CLIP4: variants seen among roughly 807,000 people sequenced by gnomAD.
The protein encoded by CLIP4 is CAP-Gly domain containing linker protein family member 4, also known as CAP-Gly domain-containing linker protein 4.
A neutral mutation model predicts 73.1 loss-of-function variants in CLIP4; 47 were observed. That is an observed-to-expected ratio of 0.64 (90% confidence interval 0.51 to 0.82). CLIP4 has a LOEUF of 0.82. Ranked by LOEUF, CLIP4 falls within the 40% of genes least tolerant of loss-of-function variation. CLIP4 has a pLI of 0.00. For missense variants in CLIP4, 874 were observed against 852.9 expected (o/e 1.02, Z -0.31); for synonymous variants, 306 against 295.4 (o/e 1.04, Z -0.37).
At chr2:29,138,913 G>T (rs1222466034) in intron 6 of CLIP4, among the ~76,000 whole-genome samples, 2 of 151,998 alleles carry the variant, frequency 1.3e-5, no homozygotes, top group Admixed American at 1.3e-4. Flanking sequence ...AGAACCTTTA[G>T]AATTTTCTAC....
chr2:29,107,566 G>A (rs1043283106), intron 1 of CLIP4, among the ~76,000 whole-genome samples: 4 of 151,428 alleles, frequency 2.6e-5, no homozygotes, highest in African/African-American at 9.7e-5. Context: ...AGTAGAGACA[G>A]GGTTTCACCA....
At chr2:29,164,293 C>T (rs1476134442) in intron 13 of CLIP4, among the ~76,000 whole-genome samples, 2 of 152,338 alleles carry the variant, frequency 1.3e-5, no homozygotes, top group East Asian at 3.9e-4. Flanking sequence ...GCTTCAGTCA[C>T]ATCCTAACTA....
In CLIP4 at chr2:29,145,231, G is replaced by A. The variant is rs1277467207; in HGVS notation, c.886-1G>A. The A allele has an allele frequency of 6.2e-7, 1 of 1,612,820 alleles. No individual in the cohort carries two copies. The highest frequency in any genetic ancestry group is 8.5e-7 in the Non-Finnish European group (1 of 1,179,358). On this transcript the variant is annotated splice_acceptor_variant, in intron 7 of 15. Transcript: ENST00000320081. LOFTEE classifies it high-confidence loss of function. ...ATTATTCTGGTTTATATTTTCTTTA[G>A]GTTGGTACATTAAGATTTTGTGGAA... is the stretch of plus-strand genomic sequence containing the variant.
chr2:29,122,965 T>G (rs1664368620), intron 2 of CLIP4, among the ~76,000 whole-genome samples: 1 of 152,190 alleles, frequency 6.6e-6, no homozygotes, highest in South Asian at 2.1e-4. Flanking sequence ...ATTTAACCTC[T>G]TGCATGTCTT....
rs1217706932 is a variant in CLIP4 at position 29,173,120 on chromosome 2, T to G, written c.1724-1253T>G. Reference sequence around the variant, plus strand: ...CTCAGAATTTTATATATAAAAATTCTTTGAGGCCTGGGTTGATGCTTCCAG... The same window carrying G: ...CTCAGAATTTTATATATAAAAATTCGTTGAGGCCTGGGTTGATGCTTCCAG... On this transcript the variant is annotated intron_variant, in intron 14 of 15. Coordinates refer to ENST00000320081, the MANE Select transcript of CLIP4 (RefSeq NM_024692.6). Among the ~76,000 whole-genome samples, 6 of 152,334 alleles carry G rather than the reference T, an allele frequency of 3.9e-5. No individual in the cohort carries two copies. The East Asian group carries it at 7.7e-4, about 20-fold the overall frequency.
intron 1 of CLIP4, among the ~76,000 whole-genome samples, chr2:29,104,489 G>A (rs1346120212): frequency 6.6e-6 from 1 of 151,990 alleles, no homozygotes; most frequent in African/African-American, 2.4e-5. Flanking sequence ...GTTTTGCTAT[G>A]TGGCCCAGGC....
At chr2:29,108,007 A>C (rs1036046311) in intron 1 of CLIP4, among the ~76,000 whole-genome samples, 1 of 145,580 alleles carries the variant, frequency 6.9e-6, no homozygotes, top group African/African-American at 2.5e-5. Flanking sequence ...TTTTTTTTTT[A>C]AAGCTTTCTA....
intron 8 of CLIP4, among the ~76,000 whole-genome samples, chr2:29,151,394 C>A (rs998053134): frequency 6.6e-6 from 1 of 151,904 alleles, no homozygotes; most frequent in Non-Finnish European, 1.5e-5. Context: ...TCATCATCGT[C>A]GTCATTATCA....
chr2:29,104,168 A>G (rs995805019), intron 1 of CLIP4, among the ~76,000 whole-genome samples: 1 of 152,220 alleles, frequency 6.6e-6, no homozygotes, highest in African/African-American at 2.4e-5. Context: ...CCCTAAGGAA[A>G]GGGACACGTC....
chr2:29,118,213 C>T (rs1369542721), intron 1 of CLIP4: 2 of 152,172 alleles, frequency 1.3e-5, no homozygotes, highest in Non-Finnish European at 2.9e-5. Flanking sequence ...TGAACCATAT[C>T]TCAAATCTGA....
At chr2:29,136,421 C>A (rs1013824327) in intron 6 of CLIP4, among the ~76,000 whole-genome samples, 5 of 152,096 alleles carry the variant, frequency 3.3e-5, no homozygotes, top group African/African-American at 1.2e-4. Flanking sequence ...TACCCCCCAA[C>A]TTTTAATTTC....
At chr2:29,099,939 T>C (rs1439450808) in intron 1 of CLIP4, among the ~76,000 whole-genome samples, 1 of 152,208 alleles carries the variant, frequency 6.6e-6, no homozygotes, top group East Asian at 1.9e-4. Flanking sequence ...CTCTCTCTCT[T>C]TTTGATGCTA....
intron 13 of CLIP4, among the ~76,000 whole-genome samples, chr2:29,164,255 C>G (rs892023147): frequency 6.6e-6 from 1 of 152,180 alleles, no homozygotes; most frequent in Non-Finnish European, 1.5e-5. Flanking sequence ...ATCTGTCATG[C>G]AAACAAAAGT....
upstream of CLIP4, among the ~76,000 whole-genome samples, chr2:29,112,813 C>A (rs917493145): frequency 3.9e-5 from 6 of 152,250 alleles, no homozygotes; most frequent in African/African-American, 1.4e-4. Context: ...AGGGCCTAGG[C>A]CCCCTATACA....
At chr2:29,108,702 A>C (rs1668302722) in intron 1 of CLIP4, among the ~76,000 whole-genome samples, 2 of 152,174 alleles carry the variant, frequency 1.3e-5, no homozygotes, top group South Asian at 4.1e-4. Flanking sequence ...CAAATCCCAG[A>C]CCTCAAACAT....
chr2:29,130,801 A>C (rs1664918167), intron 2 of CLIP4: 1 of 1,288,376 alleles, frequency 7.8e-7, no homozygotes, highest in East Asian at 5.6e-5. Context: ...ATTTTGGAAA[A>C]TATATAAATG....
intron 15 of CLIP4, 78 bp from the exon 16 acceptor site, chr2:29,181,494 C>T: frequency 8.9e-7 from 1 of 1,129,486 alleles, no homozygotes; most frequent in East Asian, 2.4e-5. Flanking sequence ...CTGAATCTGG[C>T]AGTGGAAATG....
intron 15 of CLIP4, among the ~76,000 whole-genome samples, chr2:29,178,083 T>C (rs915007980): frequency 6.6e-6 from 1 of 152,230 alleles, no homozygotes; most frequent in Non-Finnish European, 1.5e-5. Context: ...AAAAACCAAA[T>C]GCAAAAAGGT....
At chr2:29,169,808 G>C (rs1347632866) in intron 14 of CLIP4, among the ~76,000 whole-genome samples, 1 of 151,888 alleles carries the variant, frequency 6.6e-6, no homozygotes, top group African/African-American at 2.4e-5. Flanking sequence ...ATACAATGTT[G>C]TTACCCGTAA....
Sources: gnomAD v4.1 joint callset for allele counts (sites outside exome capture counted in the v4.1 genomes callset) on GRCh38, gnomAD v4.1.1 for gene constraint, MANE v1.5 for transcripts, NCBI Gene and HGNC (gene_info 2026-07-23, HGNC 2026-07-21) for gene names.